The following SLC35E4 variants were observed in gnomAD, a reference collection of about 807,000 sequenced individuals.
SLC35E4 encodes solute carrier family 35, member E4.
Under a neutral mutation model 19.3 loss-of-function variants are expected in SLC35E4, and 15 were observed. The ratio of observed to expected loss-of-function variants is 0.78; its 90% confidence interval spans 0.52 to 1.20. The LOEUF is 1.20. Ranked by LOEUF, SLC35E4 falls within the 50% of genes most tolerant of loss-of-function variation. The pLI is 0.00. For missense variants in SLC35E4, 406 were observed against 472.3 expected, an observed-to-expected ratio of 0.86 and a Z score of 1.30; for synonymous variants, 219 against 219.9, an observed-to-expected ratio of 1.00 and a Z score of 0.04.
intron 2 of SLC35E4, among the ~76,000 whole-genome samples, chr22:30,657,074 G>C (rs2088351934): frequency 6.6e-6 from 1 of 152,132 alleles, no homozygotes; most frequent in Non-Finnish European, 1.5e-5. Context: ...TGTTGACTTG[G>C]TTACAACGAT....
chr22:30,668,583 A>G (rs1011368447), exon 3 of SLC35E4: 1 of 152,256 alleles, frequency 6.6e-6, no homozygotes, highest in African/African-American at 2.4e-5. Flanking sequence ...TCTCCCAGGC[A>G]TGACATCGTG....
intron 2 of SLC35E4, among the ~76,000 whole-genome samples, chr22:30,660,484 T>C (rs1389577464): frequency 6.6e-6 from 1 of 152,008 alleles, no homozygotes; most frequent in Admixed American, 6.6e-5. Flanking sequence ...GAGAAAATTT[T>C]TTAAAAAATG....
chr22:30,663,634 C>T (rs775433384), downstream of SLC35E4: 44 of 1,614,094 alleles, frequency 2.7e-5, no homozygotes, highest in East Asian at 1.1e-4. Flanking sequence ...AGGGACATGG[C>T]GTGGTACTTC....
At chr22:30,652,988 G>A (rs935807445) in intron 2 of SLC35E4, among the ~76,000 whole-genome samples, 6 of 152,224 alleles carry the variant, frequency 3.9e-5, no homozygotes, top group Non-Finnish European at 8.8e-5. Context: ...GATTGAGGAC[G>A]TGAGGACATA....
Position 30,656,077 on chromosome 22 carries a change from G to A in SLC35E4, c.*9-5983G>A, listed in dbSNP as rs1041597556. On this transcript the variant is annotated intron_variant, in intron 2 of 2. Transcript: ENST00000406566. The stretch of plus-strand genomic sequence containing the variant: ...AGCCTCAACCTCCTTGGGCTCAAGC[G>A]ATCCTCCCACCTCAGCTTCCCAAGT... 1.1e-4 allele frequency among the ~76,000 whole-genome samples: 17 copies of A among 151,934 alleles called. No homozygotes were observed. In the East Asian group the frequency reaches 2.5e-3, roughly 23 times the overall value.
intron 2 of SLC35E4, among the ~76,000 whole-genome samples, chr22:30,656,433 C>T (rs1212502292): frequency 6.6e-6 from 1 of 152,170 alleles, no homozygotes; most frequent in Non-Finnish European, 1.5e-5. Flanking sequence ...CCCTGTTTAT[C>T]TGACAGGGCA....
intron 1 of SLC35E4, among the ~76,000 whole-genome samples, chr22:30,640,369 CAAA>C (rs34746167): frequency 1.0e-4 from 12 of 115,420 alleles, no homozygotes; most frequent in African/African-American, 1.0e-4. Flanking sequence ...GACTCCATCT[CAAA>C]AAAAAAAAAA....
rs973827802 is a variant in SLC35E4, at chr22:30,647,272, C to A, written c.*241C>A. On this transcript the variant is annotated 3_prime_UTR_variant, in exon 2 of 2. Transcript: ENST00000343605. ...AATTAGCTGGGCATGGTGGCGCGTGCCTATAGTCCCAGCTACATGGGAGGC... is the reference window on the plus strand; with the variant it reads ...AATTAGCTGGGCATGGTGGCGCGTGACTATAGTCCCAGCTACATGGGAGGC... 9.4e-6 allele frequency: 5 copies of A among 532,334 alleles called. No individual in the cohort carries two copies. The highest frequency in any genetic ancestry group is 7.6e-5 in the African/African-American group (4 of 52,498). 33.0% of individuals were successfully genotyped at this position (532,334 alleles called of 1,614,324 possible).
intron 1 of SLC35E4, among the ~76,000 whole-genome samples, chr22:30,643,245 G>A (rs890254508): frequency 6.6e-6 from 1 of 152,180 alleles, no homozygotes; most frequent in Non-Finnish European, 1.5e-5. Context: ...CCGCATCACA[G>A]AGCAGGCGGA....
At position 30,636,199 on chromosome 22, in the gene SLC35E4, C is replaced by G. The variant is rs2087941838; in HGVS notation, c.-252C>G. 2.0e-6 allele frequency: 1 copy of G among 500,500 alleles called. No homozygotes were observed. The highest frequency in any genetic ancestry group is 1.9e-5 in the African/African-American group (1 of 51,608). The allele number at this position is 500,500 out of a possible 1,614,324, so 31.0% of individuals were successfully genotyped here. ...ACGGGGCAGAGGTGCCTGGAGCCCA[C>G]GCTTGAGCATCGGAGACCCTGGCAT... On this transcript the variant is annotated 5_prime_UTR_variant, in exon 1 of 2. Coordinates refer to ENST00000343605, the MANE Select transcript of SLC35E4 (RefSeq NM_001001479.4).
chr22:30,647,416 A>AC lies in SLC35E4; in HGVS notation c.*385_*386insC. ...CGCTGTCTCAATTAAAAAAAAAAAA[A>AC]AGTGGAGAACTGGCAGTGACCTCTA... On this transcript the variant is annotated 3_prime_UTR_variant, in exon 2 of 2. Transcript: ENST00000343605. 1 of 165,180 alleles carries AC rather than the reference A, an allele frequency of 6.1e-6. No homozygotes were observed. The allele number at this position is 165,180 out of a possible 1,614,324, so 10.2% of individuals were successfully genotyped here.
downstream of SLC35E4, chr22:30,663,765 CA>C (rs751038688): frequency 1.2e-6 from 2 of 1,614,102 alleles, no homozygotes; most frequent in African/African-American, 2.7e-5. Context: ...AAAGAAGTCA[CA>C]GAGACGTGAG....
At position 30,636,180 on chromosome 22, in the gene SLC35E4, C is replaced by T. The variant is rs1387162237; in HGVS notation, c.-271C>T. 4.3e-6 allele frequency: 2 copies of T among 469,836 alleles called. No individual in the cohort carries two copies. The highest frequency in any genetic ancestry group is 3.8e-6 in the Non-Finnish European group (1 of 265,682). 29.1% of individuals were successfully genotyped at this position (469,836 alleles called of 1,614,324 possible). On this transcript the variant is annotated 5_prime_UTR_variant, in exon 1 of 2. Transcript: ENST00000343605. ...AAAGTGGAGACCACCTGGCACGGGG[C>T]AGAGGTGCCTGGAGCCCACGCTTGA...
downstream of SLC35E4, among the ~76,000 whole-genome samples, chr22:30,648,115 A>G (rs977925484): frequency 6.6e-6 from 1 of 151,820 alleles, no homozygotes; most frequent in Admixed American, 6.6e-5. Context: ...CCTCTACTCC[A>G]TCTTACACAC....
At chr22:30,662,511 G>A (rs567546900) in exon 3 of SLC35E4, 1 of 152,302 alleles carries the variant, frequency 6.6e-6, no homozygotes, top group South Asian at 2.1e-4. Flanking sequence ...ACTTTGCCAT[G>A]TACAATAGCA....
downstream of SLC35E4, among the ~76,000 whole-genome samples, chr22:30,652,474 C>T (rs2088240946): frequency 6.6e-6 from 1 of 152,226 alleles, no homozygotes; most frequent in African/African-American, 2.4e-5. Flanking sequence ...GGGCCATTAT[C>T]ATCTTCATTT....
intron 2 of SLC35E4, among the ~76,000 whole-genome samples, chr22:30,655,463 G>A (rs201087159): frequency 2.8e-5 from 4 of 142,058 alleles, no homozygotes; most frequent in East Asian, 2.0e-4. Context: ...AAGAAAAAAA[G>A]AAGCCACTAG....
chr22:30,654,289 A>G (rs917902489), intron 2 of SLC35E4: 1 of 452,700 alleles, frequency 2.2e-6, no homozygotes, highest in Admixed American at 2.4e-5. Flanking sequence ...CGGCCATCCC[A>G]TGAGCTGTTT....
intron 1 of SLC35E4, among the ~76,000 whole-genome samples, chr22:30,639,726 C>G (rs753697701): frequency 2.0e-5 from 3 of 152,196 alleles, no homozygotes; most frequent in African/African-American, 7.2e-5. Context: ...CCCGGCTCAC[C>G]GGCAGTCAGA....
Sources: allele counts gnomAD v4.1 joint callset (sites outside exome capture counted in the v4.1 genomes callset), GRCh38; gene constraint gnomAD v4.1.1; transcripts MANE v1.5; gene names NCBI Gene and HGNC (gene_info 2026-07-23, HGNC 2026-07-21).